ELL: variants seen among roughly 807,000 people sequenced by gnomAD.
The protein encoded by ELL is elongation factor for RNA polymerase II, also known as RNA polymerase II elongation factor ELL.
A neutral mutation model predicts 64.0 loss-of-function variants in ELL; 18 were observed. The ratio of observed to expected loss-of-function variants is 0.28; its 90% confidence interval spans 0.19 to 0.42. The LOEUF (loss-of-function observed/expected upper bound fraction) is 0.42. Ranked by LOEUF, ELL falls within the 10% of genes least tolerant of loss-of-function variation. ELL has a pLI of 1.00. For synonymous variants in ELL, 399 were observed against 376.2 expected (o/e 1.06, Z -0.70); for missense variants, 797 against 870.4 (o/e 0.92, Z 1.06).
At chr19:18,472,116 C>T (rs1409553300) in intron 2 of ELL, among the ~76,000 whole-genome samples, 4 of 152,050 alleles carry the variant, frequency 2.6e-5, no homozygotes, top group African/African-American at 7.2e-5. Flanking sequence ...GCATGCACCA[C>T]CACACCCAGC....
chr19:18,511,506 T>C (rs1976022217), intron 1 of ELL, among the ~76,000 whole-genome samples: 1 of 152,152 alleles, frequency 6.6e-6, no homozygotes, highest in Non-Finnish European at 1.5e-5. Flanking sequence ...CATGGTTCAC[T>C]ACAGTCAAGA....
chr19:18,454,423 C>T (rs1447953967), intron 6 of ELL, among the ~76,000 whole-genome samples: 2 of 151,650 alleles, frequency 1.3e-5, no homozygotes, highest in Non-Finnish European at 2.9e-5. Context: ...GGTGTCAACC[C>T]AGGAGGCGGA....
intron 1 of ELL, among the ~76,000 whole-genome samples, chr19:18,508,634 G>A (rs1669239150): frequency 6.6e-6 from 1 of 152,200 alleles, no homozygotes. Context: ...AACTCTTCCT[G>A]CCACACACCC....
chr19:18,444,618 G>A lies in ELL; in HGVS notation c.*134C>T. ...AGCCACCCGCCAGGGCCAGACGTCT[G>A]CAGGGGCTGCCCTGAAAGCCGGCGG... On this transcript the variant is annotated 3_prime_UTR_variant, in exon 12 of 12. Coordinates refer to ENST00000262809, the MANE Select transcript of ELL (RefSeq NM_006532.4). 1.0e-6 allele frequency: 1 copy of A among 972,554 alleles called. No individual in the cohort carries two copies. The highest frequency in any genetic ancestry group is 1.5e-6 in the Non-Finnish European group (1 of 668,448). 60.2% of individuals were successfully genotyped at this position (972,554 alleles called of 1,614,324 possible). A position where few individuals can be genotyped will look rare whatever the true frequency, so the allele number is the denominator to read the frequency against.
intron 1 of ELL, among the ~76,000 whole-genome samples, chr19:18,504,376 G>A (rs554350995): frequency 6.6e-5 from 10 of 152,296 alleles, no homozygotes; most frequent in African/African-American, 1.2e-4. Context: ...TCCATGACGC[G>A]TGGCTTGCTT....
At chr19:18,519,988 C>T (rs1389017459) in intron 1 of ELL, among the ~76,000 whole-genome samples, 2 of 152,132 alleles carry the variant, frequency 1.3e-5, no homozygotes, top group Non-Finnish European at 2.9e-5. Flanking sequence ...GGTCAACACA[C>T]TGCCCTACAC....
rs1002997400 is a variant in ELL, at chr19:18,465,537, T to C, written c.344A>G (p.Gln115Arg). The change falls in exon 4 of 12, where the codon CAG becomes CGG. Residue 115 changes from glutamine (Q) to arginine (R), a missense_variant. Coordinates refer to ENST00000262809, the MANE Select transcript of ELL (RefSeq NM_006532.4). ...EVHLDCLGSI[Q>R]DKITVCATDD... ...GGTGGCACACACCGTGATCTTGTCC[T>C]GTATGCTGCCCAGGCAGTCCAGGTG... 3 of 1,608,732 alleles carry C rather than the reference T, an allele frequency of 1.9e-6. No homozygotes were observed. The highest frequency in any genetic ancestry group is 2.2e-5 in the East Asian group (1 of 44,654).
At chr19:18,504,267 T>A (rs1386577629) in intron 1 of ELL, among the ~76,000 whole-genome samples, 1 of 152,118 alleles carries the variant, frequency 6.6e-6, no homozygotes, top group Non-Finnish European at 1.5e-5. Flanking sequence ...TACCTAAGGG[T>A]GTGCTCACTG....
intron 7 of ELL, 59 bp from the exon 8 acceptor site, chr19:18,451,034 C>CTGCTAGA: frequency 6.8e-7 from 1 of 1,471,812 alleles, no homozygotes; most frequent in Non-Finnish European, 9.0e-7. Context: ...CAGCAACAGG[C>CTGCTAGA]AATCCCCTGG....
intron 1 of ELL, among the ~76,000 whole-genome samples, chr19:18,517,375 A>G (rs1234067458): frequency 6.6e-6 from 1 of 152,040 alleles, no homozygotes; most frequent in Non-Finnish European, 1.5e-5. Context: ...CAGCCTCCCA[A>G]GTAGCTGGGA....
chr19:18,477,263 G>A (rs1975196447), intron 1 of ELL, among the ~76,000 whole-genome samples: 1 of 152,170 alleles, frequency 6.6e-6, no homozygotes, highest in Non-Finnish European at 1.5e-5. Context: ...AGAAGAAAAG[G>A]GCAGCGAACT....
chr19:18,508,173 G>A (rs1364606148), intron 1 of ELL, among the ~76,000 whole-genome samples: 1 of 152,180 alleles, frequency 6.6e-6, no homozygotes, highest in Non-Finnish European at 1.5e-5. Context: ...TCACAGCTGA[G>A]TGTGGTGGCT....
At chr19:18,455,459 C>CA (rs1568378187) in intron 6 of ELL, among the ~76,000 whole-genome samples, 1 of 150,476 alleles carries the variant, frequency 6.6e-6, no homozygotes, top group African/African-American at 2.4e-5. Flanking sequence ...CACTGCACTC[C>CA]AGCCTGCGTG....
intron 1 of ELL, among the ~76,000 whole-genome samples, chr19:18,497,343 A>G (rs1975676081): frequency 6.6e-6 from 1 of 152,226 alleles, no homozygotes. Context: ...CAGTAAGAGC[A>G]TCGGTGGATG....
intron 1 of ELL, among the ~76,000 whole-genome samples, chr19:18,480,002 G>A (rs972861488): frequency 6.6e-6 from 1 of 152,192 alleles, no homozygotes; most frequent in African/African-American, 2.4e-5. Flanking sequence ...ACTGGGCAAG[G>A]CCTGCCACCC....
At chr19:18,475,885 T>A (rs1975164764) in intron 1 of ELL, 2 of 152,194 alleles carry the variant, frequency 1.3e-5, no homozygotes, top group Admixed American at 1.3e-4. Flanking sequence ...GCCGTCTTTG[T>A]TGACTCAGGG....
In ELL at chr19:18,465,554, G is replaced by A. The variant is rs1280569985; in HGVS notation, c.327C>T (p.Asp109=). ...TCTTGTCCTGTATGCTGCCCAGGCA[G>A]TCCAGGTGAACTTCCCCATGACTGC... ...YVSSHGEVHL[D]CLGSIQDKIT... The change falls in exon 4 of 12, where the codon GAC becomes GAT. Residue 109 remains aspartate, a synonymous_variant. Coordinates refer to ENST00000262809, the MANE Select transcript of ELL (RefSeq NM_006532.4). The A allele has an allele frequency of 1.3e-6, 2 of 1,599,520 alleles. No individual in the cohort carries two copies. Among genetic ancestry groups the A allele is most frequent in the Non-Finnish European group, 1.7e-6 (2 of 1,169,220 alleles).
Position 18,444,800 on chromosome 19 carries a change from C to G in ELL, c.1818G>C (p.Lys606Asn). ...EYLHSKLAHI[K>N]RLIAEYDQRQ... The stretch of plus-strand genomic sequence containing the variant: ...GCTGGTCGTACTCGGCGATGAGCCT[C>G]TTGATGTGGGCCAGCTTGCTGTGCA... Residue 606 changes from lysine to asparagine, a missense_variant, in exon 12 of 12, where the codon AAG becomes AAC. Coordinates refer to ENST00000262809, the MANE Select transcript of ELL (RefSeq NM_006532.4). 2 of 1,611,034 alleles carry G rather than the reference C, an allele frequency of 1.2e-6. No individual in the cohort carries two copies. Among genetic ancestry groups the G allele is most frequent in the Non-Finnish European group, 1.7e-6 (2 of 1,179,922 alleles).
chr19:18,509,473 C>A (rs908169233), intron 1 of ELL, among the ~76,000 whole-genome samples: 3 of 152,156 alleles, frequency 2.0e-5, no homozygotes, highest in East Asian at 3.9e-4. Context: ...TGGCCGCCCC[C>A]ACCCGGCCCC....
Sources: allele counts gnomAD v4.1 joint callset (sites outside exome capture counted in the v4.1 genomes callset), GRCh38; gene constraint gnomAD v4.1.1; transcripts MANE v1.5; gene names NCBI Gene and HGNC (gene_info 2026-07-23, HGNC 2026-07-21).